The following TAOK3 variants were observed in gnomAD, a reference collection of about 807,000 sequenced individuals.
The protein encoded by TAOK3 is TAO kinase 3.
Under a neutral mutation model 120.4 loss-of-function variants are expected in TAOK3, and 40 were observed. The observed-to-expected ratio is 0.33, with a 90% CI of 0.26 to 0.43. TAOK3 has a LOEUF of 0.43. Ranked by LOEUF, TAOK3 falls within the 20% of genes least tolerant of loss-of-function variation. The probability of loss-of-function intolerance (pLI) is 1.00; values close to 1 mark genes in which losing one functional copy is unlikely to be tolerated. For synonymous variants in TAOK3, 355 were observed against 387.5 expected (o/e 0.92, Z 0.99); for missense variants, 821 against 1,112.1 (o/e 0.74, Z 3.72).
At chr12:118,266,625 TAGG>T (rs912355558) in intron 2 of TAOK3, 27 bp downstream of exon 2, 3 of 397,922 alleles carry the variant, frequency 7.5e-6, no homozygotes, top group Admixed American at 4.4e-5. Context: ...TTCCATTTCT[TAGG>T]AGAAAGCTAA....
intron 1 of TAOK3, among the ~76,000 whole-genome samples, chr12:118,313,192 A>G (rs1461012154): frequency 6.6e-6 from 1 of 152,222 alleles, no homozygotes; most frequent in East Asian, 1.9e-4. Context: ...GCAAGACATT[A>G]CAGAAGACAG....
At chr12:118,346,033 C>T (rs894607547) in intron 1 of TAOK3, among the ~76,000 whole-genome samples, 10 of 152,062 alleles carry the variant, frequency 6.6e-5, no homozygotes, top group African/African-American at 2.4e-4. Context: ...CCTAAAAATA[C>T]TTTACCTAAA....
In TAOK3 at chr12:118,270,899, G is replaced by A. The variant is rs576130127; in HGVS notation, c.-193-4140C>T. On this transcript the variant is annotated intron_variant, in intron 1 of 20. Transcript: ENST00000392533. Reference sequence around the variant, plus strand: ...TCACCATGTTAGCCAGGATGATCTCGATCTTCTGACCTCGTGATCCGCCCG... The same window carrying A: ...TCACCATGTTAGCCAGGATGATCTCAATCTTCTGACCTCGTGATCCGCCCG... Among the ~76,000 whole-genome samples, 15 of 151,706 alleles carry A rather than the reference G, an allele frequency of 9.9e-5. No homozygotes were observed. The East Asian group carries it at 1.9e-3, about 20-fold the overall frequency.
intron 9 of TAOK3, among the ~76,000 whole-genome samples, chr12:118,218,403 A>G (rs2039048135): frequency 6.6e-6 from 1 of 152,140 alleles, no homozygotes; most frequent in African/African-American, 2.4e-5. Flanking sequence ...TGCATATACC[A>G]AAATCCATGG....
At chr12:118,182,179 T>C (rs1444047626) in intron 14 of TAOK3, among the ~76,000 whole-genome samples, 1 of 151,724 alleles carries the variant, frequency 6.6e-6, no homozygotes, top group Non-Finnish European at 1.5e-5. Flanking sequence ...AGACTCTGTC[T>C]CAAAAAAAAA....
At chr12:118,250,795 A>G (rs974055342) in intron 3 of TAOK3, among the ~76,000 whole-genome samples, 17 of 152,348 alleles carry the variant, frequency 1.1e-4, no homozygotes, top group African/African-American at 3.6e-4. Flanking sequence ...TTGAGAACCA[A>G]CAACGGTGGA....
intron 1 of TAOK3, among the ~76,000 whole-genome samples, chr12:118,340,792 C>A (rs935394368): frequency 1.3e-4 from 18 of 141,724 alleles, no homozygotes; most frequent in Admixed American, 3.5e-4. Flanking sequence ...AAAAAAAAAA[C>A]ATTGGCCGCA....
At chr12:118,306,605 T>G (rs1310004989) in intron 1 of TAOK3, among the ~76,000 whole-genome samples, 1 of 152,232 alleles carries the variant, frequency 6.6e-6, no homozygotes, top group African/African-American at 2.4e-5. Context: ...CTCAAGTTCT[T>G]GAGTCTAAAA....
At chr12:118,352,483 C>T (rs930402352) in intron 1 of TAOK3, among the ~76,000 whole-genome samples, 3 of 149,028 alleles carry the variant, frequency 2.0e-5, no homozygotes, top group Non-Finnish European at 3.0e-5. Context: ...CTAGCCTGGG[C>T]GACACAGCGA....
chr12:118,244,281 T>G (rs1156663188), intron 4 of TAOK3, among the ~76,000 whole-genome samples: 2 of 152,034 alleles, frequency 1.3e-5, no homozygotes, highest in Non-Finnish European at 2.9e-5. Flanking sequence ...CAGGCTTGTC[T>G]TGAGCTCCTG....
chr12:118,256,928 T>C (rs986962311), intron 2 of TAOK3, among the ~76,000 whole-genome samples: 1 of 152,194 alleles, frequency 6.6e-6, no homozygotes. Context: ...TGTAGAGATA[T>C]TACAAAAATT....
chr12:118,263,664 T>C (rs762868811), intron 2 of TAOK3, among the ~76,000 whole-genome samples: 1 of 152,114 alleles, frequency 6.6e-6, no homozygotes, highest in African/African-American at 2.4e-5. Context: ...GAAAACCCAA[T>C]TTTTTTAATG....
At chr12:118,279,215 G>A (rs1330490636) in intron 1 of TAOK3, among the ~76,000 whole-genome samples, 1 of 152,090 alleles carries the variant, frequency 6.6e-6, no homozygotes, top group Non-Finnish European at 1.5e-5. Context: ...TTGGTTGTGT[G>A]CATGTCTTCT....
chr12:118,207,855 G>GTC (rs1295178287), intron 11 of TAOK3, among the ~76,000 whole-genome samples: 8 of 56,450 alleles, frequency 1.4e-4, no homozygotes, highest in East Asian at 5.3e-4. Context: ...GCGAGACTCT[G>GTC]TCTCACACAC....
At chr12:118,277,780 A>T (rs1304304817) in intron 1 of TAOK3, among the ~76,000 whole-genome samples, 1 of 152,020 alleles carries the variant, frequency 6.6e-6, no homozygotes, top group African/African-American at 2.4e-5. Flanking sequence ...TTTTTAAAAG[A>T]TCATCATCAA....
chr12:118,244,560 G>T (rs2040403782), intron 4 of TAOK3, among the ~76,000 whole-genome samples: 1 of 126,888 alleles, frequency 7.9e-6, no homozygotes, highest in African/African-American at 3.0e-5. Flanking sequence ...ACAGAGCCTC[G>T]CTCTGTCACC....
chr12:118,267,884 C>CA (rs60331520), intron 1 of TAOK3, among the ~76,000 whole-genome samples: 13,099 of 78,168 alleles, frequency 0.17, 882 homozygotes, highest in Non-Finnish European at 0.21. Flanking sequence ...GACTCCATCT[C>CA]AAAAAAAAAA....
At chr12:118,219,888 A>C (rs2039142485) in intron 9 of TAOK3, among the ~76,000 whole-genome samples, 1 of 143,530 alleles carries the variant, frequency 7.0e-6, no homozygotes, top group Admixed American at 7.6e-5. Flanking sequence ...TGCTGGGATT[A>C]TAGGCATGAG....
intron 1 of TAOK3, among the ~76,000 whole-genome samples, chr12:118,321,409 C>T (rs971765911): frequency 8.5e-5 from 13 of 152,164 alleles, no homozygotes; most frequent in African/African-American, 2.4e-4. Flanking sequence ...TACTGGTGCA[C>T]GCCACCACAT....
Sources: gnomAD v4.1 joint callset for allele counts (sites outside exome capture counted in the v4.1 genomes callset) on GRCh38, gnomAD v4.1.1 for gene constraint, MANE v1.5 for transcripts, NCBI Gene and HGNC (gene_info 2026-07-23, HGNC 2026-07-21) for gene names.